The following SPATS2 variants were observed in gnomAD, a reference collection of about 807,000 sequenced individuals.
SPATS2 encodes spermatogenesis-associated serine-rich protein 2.
A neutral mutation model predicts 63.7 loss-of-function variants in SPATS2; 38 were observed. That is an observed-to-expected ratio of 0.60 (90% confidence interval 0.46 to 0.78). SPATS2 has a LOEUF of 0.78. SPATS2 is among the 30% of genes least tolerant of loss of function. The pLI is 0.00. For missense variants in SPATS2, 588 were observed against 666.2 expected (o/e 0.88, Z 1.29); for synonymous variants, 207 against 232.9 (o/e 0.89, Z 1.01).
intron 2 of SPATS2, among the ~76,000 whole-genome samples, chr12:49,420,266 TA>T (rs1277260939): frequency 2.6e-5 from 4 of 152,022 alleles, no homozygotes; most frequent in Non-Finnish European, 5.9e-5. Context: ...GTTAAGGGAT[TA>T]AAAAACAGGC....
At chr12:49,395,711 C>G (rs558857897) in intron 2 of SPATS2, among the ~76,000 whole-genome samples, 1 of 152,180 alleles carries the variant, frequency 6.6e-6, no homozygotes, top group Non-Finnish European at 1.5e-5. Flanking sequence ...CAGGCATGAG[C>G]CACTGTGCCC....
intron 2 of SPATS2, among the ~76,000 whole-genome samples, chr12:49,399,468 A>G (rs993161523): frequency 1.3e-5 from 2 of 152,336 alleles, no homozygotes; most frequent in African/African-American, 4.8e-5. Context: ...GGGAAACTAC[A>G]TGAGAATGGA....
chr12:49,513,565 T>G (rs1946788035), intron 9 of SPATS2, among the ~76,000 whole-genome samples: 1 of 152,236 alleles, frequency 6.6e-6, no homozygotes, highest in South Asian at 2.1e-4. Flanking sequence ...GAAAAAATTC[T>G]AATTGCCTAT....
intron 2 of SPATS2, chr12:49,389,867 A>C (rs1003062818): frequency 1.2e-6 from 1 of 840,222 alleles, no homozygotes; most frequent in Non-Finnish European, 2.1e-6. Context: ...CTAGCAAAAA[A>C]GATGATCCGG....
intron 9 of SPATS2, among the ~76,000 whole-genome samples, chr12:49,513,198 C>T (rs9919739): frequency 0.03 from 4,484 of 148,832 alleles, 93 homozygotes; most frequent in Middle Eastern, 0.079. Flanking sequence ...TGAATTAGAG[C>T]GAGAGAGAAA....
chr12:49,452,610 T>TCAAGTTAGATAATTTCTC (rs1320894471), intron 2 of SPATS2, among the ~76,000 whole-genome samples: 9 of 152,226 alleles, frequency 5.9e-5, no homozygotes, highest in Non-Finnish European at 1.3e-4. Context: ...TCCCATTTCT[T>TCAAGTTAGATAATTTCTC]CAAGTTAGAT....
At chr12:49,378,283 T>G (rs1376529446) in intron 2 of SPATS2, among the ~76,000 whole-genome samples, 1 of 150,172 alleles carries the variant, frequency 6.7e-6, no homozygotes, top group African/African-American at 2.5e-5. Context: ...TTATTTTATT[T>G]TATTTTATTT....
chr12:49,469,073 C>G (rs1372232334), intron 3 of SPATS2, among the ~76,000 whole-genome samples: 2 of 151,824 alleles, frequency 1.3e-5, no homozygotes, highest in Non-Finnish European at 2.9e-5. Flanking sequence ...GCCTGAGTAA[C>G]ACAGTGAGAC....
intron 2 of SPATS2, among the ~76,000 whole-genome samples, chr12:49,416,514 G>A (rs1278484926): frequency 2.0e-5 from 3 of 150,838 alleles, no homozygotes; most frequent in Non-Finnish European, 2.9e-5. Flanking sequence ...TTGAGATGGA[G>A]TCTCGTTCAG....
intron 8 of SPATS2, among the ~76,000 whole-genome samples, chr12:49,499,120 C>T (rs1211608910): frequency 2.0e-5 from 3 of 152,130 alleles, no homozygotes; most frequent in Non-Finnish European, 4.4e-5. Context: ...GTTTGATGTC[C>T]TTTTCTACTC....
At chr12:49,422,648 C>G (rs531823204) in intron 2 of SPATS2, among the ~76,000 whole-genome samples, 4 of 152,292 alleles carry the variant, frequency 2.6e-5, no homozygotes, top group Admixed American at 6.5e-5. Flanking sequence ...CGCCTGTAAT[C>G]CCAGCACTTT....
rs572272437 is a variant in SPATS2, at chr12:49,514,344, A to G, written c.840-211A>G. On this transcript the variant is annotated intron_variant, in intron 9 of 13. Coordinates refer to ENST00000552918, the MANE Select transcript of SPATS2 (RefSeq NM_023071.4). Reference sequence around the variant, plus strand: ...GTACCAATATTGCAATATAAAAGGGAATTGGGTCTATTTATTTTATTTATG... The same window carrying G: ...GTACCAATATTGCAATATAAAAGGGGATTGGGTCTATTTATTTTATTTATG... 6.8e-4 allele frequency: 348 copies of G among 513,452 alleles called. 4 individuals are homozygous for G. The highest frequency in any genetic ancestry group is 1.1e-3 in the Non-Finnish European group (308 of 291,784). The allele number at this position is 513,452 out of a possible 1,614,324, so 31.8% of individuals were successfully genotyped here. A position where few individuals can be genotyped will look rare whatever the true frequency, so the allele number is the denominator to read the frequency against.
chr12:49,437,782 C>T (rs949994034), intron 2 of SPATS2, among the ~76,000 whole-genome samples: 1 of 152,054 alleles, frequency 6.6e-6, no homozygotes. Flanking sequence ...GGCAGCAGTA[C>T]AGTCCAGCTT....
intron 2 of SPATS2, among the ~76,000 whole-genome samples, chr12:49,425,688 G>A (rs997257887): frequency 5.3e-5 from 8 of 151,824 alleles, no homozygotes; most frequent in Admixed American, 3.3e-4. Context: ...GGAGTGCAGT[G>A]GCACGATCTC....
At chr12:49,468,649 G>T (rs1033862789) in intron 3 of SPATS2, among the ~76,000 whole-genome samples, 1 of 151,534 alleles carries the variant, frequency 6.6e-6, no homozygotes, top group African/African-American at 2.4e-5. Context: ...GCTAATTTTT[G>T]TATTTTTTGT....
At chr12:49,436,124 T>C (rs1320887659) in intron 2 of SPATS2, among the ~76,000 whole-genome samples, 5 of 151,906 alleles carry the variant, frequency 3.3e-5, no homozygotes, top group Admixed American at 3.3e-4. Context: ...AAACCGCCAT[T>C]GTCATCATGG....
At chr12:49,485,396 C>T (rs1158612538) in intron 4 of SPATS2, among the ~76,000 whole-genome samples, 5 of 152,086 alleles carry the variant, frequency 3.3e-5, no homozygotes. Flanking sequence ...GAGTCTCACT[C>T]TGTCACCCAG....
At chr12:49,487,282 G>A (rs1241763052) in intron 4 of SPATS2, among the ~76,000 whole-genome samples, 1 of 152,124 alleles carries the variant, frequency 6.6e-6, no homozygotes, top group African/African-American at 2.4e-5. Flanking sequence ...AGTGAGGTCA[G>A]GAGTTCGAGA....
intron 2 of SPATS2, among the ~76,000 whole-genome samples, chr12:49,404,390 G>C (rs1008275620): frequency 6.6e-6 from 1 of 151,198 alleles, no homozygotes; most frequent in African/African-American, 2.4e-5. Flanking sequence ...GGGCCGAAGC[G>C]ATCCTTCCGC....
Sources: allele counts gnomAD v4.1 joint callset (sites outside exome capture counted in the v4.1 genomes callset), GRCh38; gene constraint gnomAD v4.1.1; transcripts MANE v1.5; gene names NCBI Gene and HGNC (gene_info 2026-07-23, HGNC 2026-07-21).